The following SCN10A variants were observed in gnomAD, a reference collection of about 807,000 sequenced individuals.
The protein encoded by SCN10A is sodium voltage-gated channel alpha subunit 10, also known as sodium channel protein type 10 subunit alpha.
A neutral mutation model predicts 170.7 loss-of-function variants in SCN10A; 162 were observed. The ratio of observed to expected loss-of-function variants is 0.95; its 90% CI spans 0.84 to 1.08. The LOEUF is 1.08. SCN10A is among the 50% of genes least tolerant of loss of function. The probability of loss-of-function intolerance (pLI) is 0.00; values close to 1 mark genes in which losing one functional copy is unlikely to be tolerated. For missense variants in SCN10A, 2,527 were observed against 2,436.9 expected (o/e 1.04, Z -0.78); for synonymous variants, 985 against 904.6 (o/e 1.09, Z -1.59).
rs71085334 is a variant in SCN10A at position 38,736,963 on chromosome 3, GTTTTTT to G, written c.2280+2546_2280+2551del. Among the ~76,000 whole-genome samples, 7 of 46,666 alleles carry G rather than the reference GTTTTTT, an allele frequency of 1.5e-4. No individual in the cohort carries two copies. In the East Asian group the frequency reaches 1.9e-3, roughly 13 times the overall value. The allele number at this position is 46,666 out of a possible 152,430, so 30.6% of individuals were successfully genotyped here. A position where few individuals can be genotyped will look rare whatever the true frequency, so the allele number is the denominator to read the frequency against. On this transcript the variant is annotated intron_variant, in intron 15 of 27. Transcript: ENST00000449082. Reference sequence around the variant, plus strand: ...TTCCCCAAGTGTAGCAGAAATGTTCGTTTTTTTTTTTTTTTTTTTTTTTTTGAGACG... The same window carrying G: ...TTCCCCAAGTGTAGCAGAAATGTTCGTTTTTTTTTTTTTTTTTTTGAGACG...
intron 4 of SCN10A, among the ~76,000 whole-genome samples, chr3:38,782,346 C>A (rs73064548): frequency 2.6e-5 from 4 of 151,778 alleles, no homozygotes; most frequent in East Asian, 1.9e-4. Context: ...CATTTTTATC[C>A]CCCTCTGGAG....
chr3:38,760,799 C>T (rs1325966444), intron 7 of SCN10A, 52 bp from the exon 8 acceptor site: 1 of 1,457,622 alleles, frequency 6.9e-7, no homozygotes, highest in East Asian at 2.3e-5. Context: ...ACCCTCCAAC[C>T]CAAGCCTTGT....
At chr3:38,753,351 T>A (rs992403733) in intron 11 of SCN10A, among the ~76,000 whole-genome samples, 3 of 152,202 alleles carry the variant, frequency 2.0e-5, no homozygotes, top group Non-Finnish European at 4.4e-5. Flanking sequence ...TGGTCTATAG[T>A]ATGTACAAAA....
chr3:38,789,865 C>G (rs2064258041), intron 3 of SCN10A, among the ~76,000 whole-genome samples: 1 of 152,110 alleles, frequency 6.6e-6, no homozygotes, highest in Admixed American at 6.6e-5. Context: ...CCCACTTGGA[C>G]ATTTTTCTTA....
At chr3:38,805,729 A>C (rs535062735) in intron 1 of SCN10A, among the ~76,000 whole-genome samples, 3 of 152,182 alleles carry the variant, frequency 2.0e-5, no homozygotes, top group Admixed American at 6.6e-5. Flanking sequence ...GATCCTGCCC[A>C]GTCCTTCGAG....
rs767168384 is a variant in SCN10A, at chr3:38,756,585, G to A, written c.1290+89C>T. The A allele has an allele frequency of 1.6e-4, 162 of 1,023,078 alleles. 1 individual carries two copies. The highest frequency in any genetic ancestry group is 1.2e-3 in the Middle Eastern group (4 of 3,298). 63.4% of individuals were successfully genotyped at this position (1,023,078 alleles called of 1,614,324 possible). A position where few individuals can be genotyped will look rare whatever the true frequency, so the allele number is the denominator to read the frequency against. On this transcript the variant is annotated intron_variant, in intron 10 of 27. Transcript: ENST00000449082. ...TGATTCCTCCTATAGCTCCCTAAAC[G>A]GTGCCCTAATTGAAGTGGCTAGTCC...
At position 38,788,992 on chromosome 3, in the gene SCN10A, A is replaced by G. The variant is rs367751260; in HGVS notation, c.434T>C (p.Val145Ala). 1.2e-5 allele frequency: 20 copies of G among 1,612,306 alleles called. No individual in the cohort carries two copies. Among genetic ancestry groups the G allele is most frequent in the Non-Finnish European group, 1.6e-5 (19 of 1,178,680 alleles). The change falls in exon 4 of 28, where the codon GTG becomes GCG. Residue 145 changes from valine (V) to alanine (A), a missense_variant. Physicochemically the swap from Val to Ala is moderately conservative, Grantham distance 64. Transcript: ENST00000449082. ...TGGAAGGTCAGTTCGGGTCATGCAC[A>G]CACAATTAACCAAAATAGTGACCGT... Reference protein sequence around the residue: ...FITVTILVNCVCMTRTDLPEK... With the variant: ...FITVTILVNCACMTRTDLPEK...
intron 25 of SCN10A, among the ~76,000 whole-genome samples, chr3:38,708,115 G>A (rs2063230061): frequency 6.6e-6 from 1 of 152,178 alleles, no homozygotes; most frequent in African/African-American, 2.4e-5. Flanking sequence ...CCCTGCAAAT[G>A]CTGGGAAACT....
intron 19 of SCN10A, 98 bp downstream of exon 19, chr3:38,723,332 G>A: frequency 1.4e-6 from 2 of 1,474,426 alleles, no homozygotes; most frequent in Non-Finnish European, 1.9e-6. Context: ...AGTGGGCACA[G>A]CTTGTTTGTC....
rs1299508220 is a variant in SCN10A at position 38,725,266 on chromosome 3, T to C, written c.3136A>G (p.Arg1046Gly). ...VERCGDHLTP[R>G]SPGTGTSSED... ...GAAGATGTTCCAGTGCCTGGGCTCCTGGGTGTCAGGTGGTCCCCACACCTC... is the reference window on the plus strand; with the variant it reads ...GAAGATGTTCCAGTGCCTGGGCTCCCGGGTGTCAGGTGGTCCCCACACCTC... The change falls in exon 18 of 28, where the codon AGG becomes GGG. Residue 1046 changes from arginine (R) to glycine (G), a missense_variant. Coordinates refer to ENST00000449082, the MANE Select transcript of SCN10A (RefSeq NM_006514.4). The C allele has an allele frequency of 1.2e-6, 2 of 1,602,826 alleles. No homozygotes were observed. Among genetic ancestry groups the C allele is most frequent in the Non-Finnish European group, 1.7e-6 (2 of 1,171,768 alleles).
chr3:38,759,307 G>T (rs2063842619), intron 8 of SCN10A, among the ~76,000 whole-genome samples: 1 of 152,046 alleles, frequency 6.6e-6, no homozygotes, highest in Non-Finnish European at 1.5e-5. Context: ...AGTGGCCAAA[G>T]CAGCAGGCAG....
intron 24 of SCN10A, among the ~76,000 whole-genome samples, chr3:38,710,608 T>A (rs1018613411): frequency 1.3e-5 from 2 of 151,886 alleles, no homozygotes; most frequent in African/African-American, 2.4e-5. Context: ...TCCTCAACAG[T>A]GAACAGAGGA....
chr3:38,812,485 G>A (rs549832221), intron 1 of SCN10A, among the ~76,000 whole-genome samples: 2 of 152,134 alleles, frequency 1.3e-5, no homozygotes, highest in African/African-American at 4.8e-5. Context: ...AGTACACCAA[G>A]TTCATTCATC....
At chr3:38,780,385 A>G (rs896839526) in intron 4 of SCN10A, among the ~76,000 whole-genome samples, 1 of 152,040 alleles carries the variant, frequency 6.6e-6, no homozygotes, top group Non-Finnish European at 1.5e-5. Flanking sequence ...TTTTTATTCA[A>G]CATAGAGTTG....
chr3:38,760,843 T>C (rs1430380004), intron 7 of SCN10A, 96 bp from the exon 8 acceptor site: 7 of 987,624 alleles, frequency 7.1e-6, no homozygotes, highest in Middle Eastern at 2.4e-4. Flanking sequence ...TCTTCCAAAG[T>C]GAGCTCCTTT....
chr3:38,728,799 C>G lies in SCN10A; in HGVS notation c.2383G>C (p.Ala795Pro). Residue 795 changes from alanine to proline, a missense_variant, in exon 16 of 28, where the codon GCC becomes CCC. Coordinates refer to ENST00000449082, the MANE Select transcript of SCN10A (RefSeq NM_006514.4). ...AGAGCAAAGACAAAGACAATGATGG[C>G]CAGGATGATGGTGAGGTTCCCCAGT... is the stretch of plus-strand genomic sequence containing the variant. ...GALGNLTIIL[A>P]IIVFVFALVG... 6.2e-7 allele frequency: 1 copy of G among 1,614,108 alleles called. No homozygotes were observed. Among genetic ancestry groups the G allele is most frequent in the Non-Finnish European group, 8.5e-7 (1 of 1,180,018 alleles).
At chr3:38,718,932 G>T in intron 20 of SCN10A, 106 bp from the exon 21 acceptor site, 1 of 1,080,260 alleles carries the variant, frequency 9.3e-7, no homozygotes, top group East Asian at 2.5e-5. Context: ...GTCCCTGGAA[G>T]GGGATTTGGT....
At chr3:38,760,457 TA>T (rs1329575608) in intron 8 of SCN10A, among the ~76,000 whole-genome samples, 6 of 152,256 alleles carry the variant, frequency 3.9e-5, no homozygotes, top group Admixed American at 2.6e-4. Flanking sequence ...ATGAATTAAA[TA>T]CATTGTTGTT....
chr3:38,755,227 A>C (rs183022993), intron 11 of SCN10A, among the ~76,000 whole-genome samples: 1 of 152,104 alleles, frequency 6.6e-6, no homozygotes, highest in East Asian at 1.9e-4. Flanking sequence ...TAATTATATA[A>C]AATTGTGAAG....
Sources: allele counts gnomAD v4.1 joint callset (sites outside exome capture counted in the v4.1 genomes callset), GRCh38; gene constraint gnomAD v4.1.1; transcripts MANE v1.5; gene names NCBI Gene and HGNC (gene_info 2026-07-23, HGNC 2026-07-21).